The following GOLT1A variants were observed in gnomAD, a reference collection of about 807,000 sequenced individuals.
GOLT1A encodes vesicle transport protein GOT1A.
Under a neutral mutation model 16.1 loss-of-function variants are expected in GOLT1A, and 10 were observed. The observed-to-expected ratio is 0.62, with a 90% CI of 0.38 to 1.05. The LOEUF (loss-of-function observed/expected upper bound fraction) is 1.05, where lower values mean the gene tolerates loss of function less well. Ranked by LOEUF, GOLT1A falls within the 50% of genes least tolerant of loss-of-function variation. The pLI is 0.01. For missense variants in GOLT1A, 137 were observed against 165.7 expected (o/e 0.83, Z 0.95); for synonymous variants, 60 against 67.9 (o/e 0.88, Z 0.57).
intron 1 of GOLT1A, among the ~76,000 whole-genome samples, chr1:204,204,848 T>C (rs938873730): frequency 6.6e-6 from 1 of 152,254 alleles, no homozygotes; most frequent in Non-Finnish European, 1.5e-5. Context: ...TGTTTTGTTT[T>C]GATAGCAGCC....
rs569048788 is a variant in GOLT1A, at chr1:204,213,650, C to G, written c.25+232G>C. 6.4e-4 allele frequency among the ~76,000 whole-genome samples: 98 copies of G among 152,118 alleles called. 1 individual carries two copies. The highest frequency in any genetic ancestry group is 2.4e-3 in the African/African-American group (98 of 41,386). On this transcript the variant is annotated intron_variant, in intron 1 of 4. Transcript: ENST00000308302. ...AGTGTGAATGGGGAACCTGCCAGGC[C>G]CCCTGGGCACCAGCCTCTAGCTACC...
Position 204,198,298 on chromosome 1 carries a change from A to AT in GOLT1A, c.*159dup, listed in dbSNP as rs1658893871. 1.5e-6 allele frequency: 1 copy of AT among 648,288 alleles called. No homozygotes were observed. The highest frequency in any genetic ancestry group is 2.0e-5 in the South Asian group (1 of 50,142). The allele number at this position is 648,288 out of a possible 1,614,324, so 40.2% of individuals were successfully genotyped here. On this transcript the variant is annotated 3_prime_UTR_variant, in exon 5 of 5. Transcript: ENST00000308302. ...GGCAGCCTCTTGAGTCGACTTGGGG[A>AT]TTTGACGTCAGTTGCTCAGCTCCAT... is the stretch of plus-strand genomic sequence containing the variant.
chr1:204,208,983 C>T (rs965996888), intron 1 of GOLT1A, among the ~76,000 whole-genome samples: 4 of 152,322 alleles, frequency 2.6e-5, no homozygotes, highest in Admixed American at 2.6e-4. Context: ...CCAGTAGCAT[C>T]ATTTATAGCA....
At chr1:204,207,290 G>A (rs1433743256) in intron 1 of GOLT1A, among the ~76,000 whole-genome samples, 2 of 152,202 alleles carry the variant, frequency 1.3e-5, no homozygotes, top group Non-Finnish European at 1.5e-5. Flanking sequence ...GGGCTGTCAC[G>A]CCTACACCCA....
At chr1:204,205,467 A>G (rs185582840) in intron 1 of GOLT1A, among the ~76,000 whole-genome samples, 8 of 152,286 alleles carry the variant, frequency 5.3e-5, no homozygotes, top group African/African-American at 1.7e-4. Flanking sequence ...ATTTTACTGG[A>G]CTTGTTAGAA....
chr1:204,207,379 C>T (rs1659056318), intron 1 of GOLT1A, among the ~76,000 whole-genome samples: 1 of 152,218 alleles, frequency 6.6e-6, no homozygotes, highest in African/African-American at 2.4e-5. Flanking sequence ...GAGACCTCCC[C>T]AGACCTCAGA....
In GOLT1A at chr1:204,201,925, C is replaced by T. The variant is rs1349882545; in HGVS notation, c.118-114G>A. 3.2e-6 allele frequency: 3 copies of T among 925,832 alleles called. No individual in the cohort carries two copies. The Admixed American group carries it at 7.5e-5, about 23-fold the overall frequency. 57.4% of individuals were successfully genotyped at this position (925,832 alleles called of 1,614,324 possible). On this transcript the variant is annotated intron_variant, in intron 2 of 4. Coordinates refer to ENST00000308302, the MANE Select transcript of GOLT1A (RefSeq NM_198447.2). ...ACAGGATGTGCTAACTGTTCAAGAC[C>T]ATCTGAGCGAGGGCCATCCAGCAGT... is the stretch of plus-strand genomic sequence containing the variant.
At position 204,201,712 on chromosome 1, in the gene GOLT1A, C is replaced by T. The variant is rs374333644; in HGVS notation, c.217G>A (p.Gly73Arg). Residue 73 changes from glycine to arginine, a missense_variant, in exon 3 of 5, where the codon GGG becomes AGG. By Grantham distance (125) the Gly-to-Arg change is moderately radical (BLOSUM62 -2). Transcript: ENST00000308302. ...CGTAGGAGCACGATAACCACACCCC[C>T]CAGGAGGAAGCTGGTTCCCTTGAGT... ...HKLKGTSFLL[G>R]GVVIVLLRWP... 15 of 1,614,050 alleles carry T rather than the reference C, an allele frequency of 9.3e-6. No individual in the cohort carries two copies. Among genetic ancestry groups the T allele is most frequent in the African/African-American group, 1.3e-5 (1 of 74,910 alleles).
At chr1:204,206,387 A>C (rs1032703834) in intron 1 of GOLT1A, among the ~76,000 whole-genome samples, 1 of 152,232 alleles carries the variant, frequency 6.6e-6, no homozygotes, top group Admixed American at 6.5e-5. Context: ...GCTCAGCAGA[A>C]TATCACCCCC....
At chr1:204,209,715 A>G (rs1231942793) in intron 1 of GOLT1A, among the ~76,000 whole-genome samples, 1 of 152,214 alleles carries the variant, frequency 6.6e-6, no homozygotes, top group Non-Finnish European at 1.5e-5. Flanking sequence ...CTGGGGATAC[A>G]CAGCAGCTGG....
intron 1 of GOLT1A, among the ~76,000 whole-genome samples, chr1:204,213,643 G>A (rs991408275): frequency 6.6e-6 from 1 of 152,186 alleles, no homozygotes; most frequent in African/African-American, 2.4e-5. Flanking sequence ...TGGGGAACCT[G>A]CCAGGCCCCC....
chr1:204,202,835 G>A (rs1658982336), intron 2 of GOLT1A, 61 bp downstream of exon 2: 1 of 1,176,838 alleles, frequency 8.5e-7, no homozygotes, highest in Non-Finnish European at 1.3e-6. Flanking sequence ...GACTATCCTG[G>A]CAATAGAGAC....
intron 4 of GOLT1A, 35 bp from the exon 5 acceptor site, chr1:204,198,531 G>A (rs772284884): frequency 1.2e-6 from 2 of 1,600,192 alleles, no homozygotes; most frequent in Admixed American, 3.4e-5. Context: ...CCACACAAAG[G>A]GTAGAGAGCA....
intron 3 of GOLT1A, among the ~76,000 whole-genome samples, chr1:204,200,299 G>GTGTGTGTGTGTATA: frequency 4.8e-5 from 4 of 82,668 alleles, no homozygotes; most frequent in African/African-American, 1.7e-4. Context: ...ACATATATGT[G>GTGTGTGTGTGTATA]TATATATATA....
intron 1 of GOLT1A, among the ~76,000 whole-genome samples, chr1:204,208,480 A>ATATATG (rs1557987391): frequency 7.3e-5 from 5 of 68,112 alleles, no homozygotes; most frequent in African/African-American, 2.4e-4. Context: ...GTGTGTGTAT[A>ATATATG]TATATATATA....
chr1:204,202,330 T>C (rs575738689), intron 2 of GOLT1A, among the ~76,000 whole-genome samples: 2 of 151,548 alleles, frequency 1.3e-5, no homozygotes, highest in East Asian at 3.9e-4. Context: ...AATTGAACTC[T>C]CTGGTTTTCT....
chr1:204,202,476 G>A (rs1489145122), intron 2 of GOLT1A, among the ~76,000 whole-genome samples: 1 of 151,764 alleles, frequency 6.6e-6, no homozygotes, highest in Admixed American at 6.6e-5. Context: ...AATTCAGTGT[G>A]CCCTCTTTCC....
chr1:204,208,476 G>GTGTGTGTATATATATATATATA (rs1286299770), intron 1 of GOLT1A, among the ~76,000 whole-genome samples: 1 of 39,946 alleles, frequency 2.5e-5, no homozygotes, highest in African/African-American at 7.9e-5. Flanking sequence ...GTGTGTGTGT[G>GTGTGTGTATATATATATATATA]TATATATATA....
intron 3 of GOLT1A, among the ~76,000 whole-genome samples, chr1:204,201,399 C>G (rs1658955009): frequency 6.6e-6 from 1 of 152,186 alleles, no homozygotes; most frequent in Non-Finnish European, 1.5e-5. Flanking sequence ...CTCACAGGCA[C>G]AGTGCTGGGG....
Sources: allele counts gnomAD v4.1 joint callset (sites outside exome capture counted in the v4.1 genomes callset), GRCh38; gene constraint gnomAD v4.1.1; transcripts MANE v1.5; gene names NCBI Gene and HGNC (gene_info 2026-07-23, HGNC 2026-07-21).